Variants in PIR observed in about 807,000 individuals in gnomAD.
PIR encodes pirin.
Under a neutral mutation model 24.2 loss-of-function variants are expected in PIR, and 22 were observed. That is an observed-to-expected ratio of 0.91 (90% CI 0.65 to 1.30). The LOEUF (loss-of-function observed/expected upper bound fraction) is 1.30, where lower values mean the gene tolerates loss of function less well. Among genes scored for constraint, PIR ranks in the 50% most tolerant of loss-of-function variants. The pLI is 0.00. For synonymous variants in PIR, 80 were observed against 79.6 expected (o/e 1.00, Z -0.03); for missense variants, 220 against 220.3 (o/e 1.00, Z 0.01).
intron 5 of PIR, among the ~76,000 whole-genome samples, chrX:15,434,003 A>G (rs914686971): frequency 1.4e-4 from 4 of 27,690 alleles, no homozygotes; most frequent in Non-Finnish European, 2.4e-4. Flanking sequence ...GAGGAAGGAG[A>G]AAGAAGGAGG....
intron 5 of PIR, among the ~76,000 whole-genome samples, chrX:15,441,429 T>C (rs765480497): frequency 8.9e-6 from 1 of 111,811 alleles, no homozygotes; most frequent in East Asian, 2.8e-4. Flanking sequence ...CCATATACAT[T>C]TCACATCATT....
intron 7 of PIR, among the ~76,000 whole-genome samples, chrX:15,401,521 T>C (rs1279139897): frequency 9.0e-6 from 1 of 111,643 alleles, no homozygotes. Context: ...TTTTATGTTA[T>C]TCGCCCATCT....
rs745456933 is a variant in PIR, at chrX:15,473,339, A to C, written c.189+6390T>G. Among the ~76,000 whole-genome samples, 8 of 111,607 alleles carry C rather than the reference A, an allele frequency of 7.2e-5. No homozygotes were observed. The East Asian group carries it at 2.2e-3, about 31-fold the overall frequency. The stretch of plus-strand genomic sequence containing the variant: ...ATGCGTGGAACAGCCCCCCCATAGC[A>C]AAGAATTATGCATCCAAAAAGTCAC... On this transcript the variant is annotated intron_variant, in intron 3 of 9. Coordinates refer to ENST00000380420, the MANE Select transcript of PIR (RefSeq NM_001018109.3).
At chrX:15,446,798 C>T in intron 5 of PIR, among the ~76,000 whole-genome samples, 1 of 110,636 alleles carries the variant, frequency 9.0e-6, no homozygotes, top group Non-Finnish European at 1.9e-5. Flanking sequence ...TCACCTTTTC[C>T]CCTCATACCT....
At chrX:15,459,176 C>T (rs951468723) in intron 4 of PIR, among the ~76,000 whole-genome samples, 1 of 111,613 alleles carries the variant, frequency 9.0e-6, no homozygotes, top group Non-Finnish European at 1.9e-5. Context: ...TAACACCTAA[C>T]CCTGCAAATG....
chrX:15,470,711 C>T (rs1009725216), intron 3 of PIR, among the ~76,000 whole-genome samples: 6 of 107,970 alleles, frequency 5.6e-5, no homozygotes, highest in Admixed American at 9.9e-5. Context: ...AAGCGAATCT[C>T]CTGCCTCAGC....
rs946565592 is a variant in PIR, at chrX:15,422,574, A to G, written c.565+3332T>C. 2.7e-5 allele frequency among the ~76,000 whole-genome samples: 3 copies of G among 111,250 alleles called. No homozygotes were observed. The Admixed American group carries it at 2.9e-4, about 11-fold the overall frequency. ...ATATCAAGAAAGCAATCCTATTTACAATGGTTACAAAAAAAGATTATAAAA... is the reference window on the plus strand; with the variant it reads ...ATATCAAGAAAGCAATCCTATTTACGATGGTTACAAAAAAAGATTATAAAA... On this transcript the variant is annotated intron_variant, in intron 6 of 9. Transcript: ENST00000380420.
chrX:15,462,814 A>G (rs776380160), intron 3 of PIR, among the ~76,000 whole-genome samples: 1 of 112,320 alleles, frequency 8.9e-6, no homozygotes, highest in South Asian at 3.7e-4. Context: ...ATTTTAAAAT[A>G]ATATATTGAG....
In PIR at chrX:15,397,551, C is replaced by T. The variant is rs375799935; in HGVS notation, c.611-20G>A. The T allele has an allele frequency of 1.9e-6, 2 of 1,073,212 alleles. No homozygotes were observed. Among genetic ancestry groups the T allele is most frequent in the South Asian group, 1.9e-5 (1 of 53,628 alleles). The allele number at this position is 1,073,212 out of a possible 1,213,427, so 88.4% of individuals were successfully genotyped here. ...CGGGCCCTACAAAACCAATGACACA[C>T]TAATTTAATACCCATTATAGTACAT... is the stretch of plus-strand genomic sequence containing the variant. On this transcript the variant is annotated intron_variant, in intron 7 of 9. Coordinates refer to ENST00000380420, the MANE Select transcript of PIR (RefSeq NM_001018109.3).
chrX:15,439,206 A>C (rs1303211870), intron 5 of PIR, among the ~76,000 whole-genome samples: 1 of 112,348 alleles, frequency 8.9e-6, no homozygotes, highest in African/African-American at 3.2e-5. Flanking sequence ...TGTCCAATAC[A>C]GTTGCCACTC....
chrX:15,416,330 T>A (rs1924915240), intron 6 of PIR, among the ~76,000 whole-genome samples: 1 of 111,942 alleles, frequency 8.9e-6, no homozygotes, highest in African/African-American at 3.2e-5. Context: ...AATGTAAAAT[T>A]CTACATGAAT....
chrX:15,479,664 T>C, intron 3 of PIR, 65 bp downstream of exon 3: 3 of 525,680 alleles, frequency 5.7e-6, no homozygotes, highest in Non-Finnish European at 9.1e-6. Context: ...AAAATTGAAT[T>C]TTCTATTAGA....
chrX:15,396,514 C>T (rs1924142497), intron 8 of PIR, among the ~76,000 whole-genome samples: 1 of 111,368 alleles, frequency 9.0e-6, no homozygotes, highest in African/African-American at 3.3e-5. Flanking sequence ...TCTCCTCAAT[C>T]CTCTTTATAA....
At chrX:15,447,371 G>C (rs770660024) in intron 5 of PIR, among the ~76,000 whole-genome samples, 4 of 110,586 alleles carry the variant, frequency 3.6e-5, no homozygotes, top group Admixed American at 9.5e-5. Context: ...CTGGAGTGCA[G>C]TGGCATGATC....
chrX:15,452,730 G>C (rs1381064833), intron 5 of PIR, among the ~76,000 whole-genome samples: 3 of 112,326 alleles, frequency 2.7e-5, no homozygotes, highest in Non-Finnish European at 5.6e-5. Flanking sequence ...CCAGACCACA[G>C]TATTGGCATC....
rs760795372 is a variant in PIR, at chrX:15,425,911, G to A, written c.560C>T (p.Pro187Leu). The A allele has an allele frequency of 5.3e-6, 6 of 1,131,530 alleles. 1 individual carries two copies. Among genetic ancestry groups the A allele is most frequent in the African/African-American group, 3.6e-5 (2 of 55,935 alleles). 93.3% of individuals were successfully genotyped at this position (1,131,530 alleles called of 1,213,427 possible). A position where few individuals can be genotyped will look rare whatever the true frequency, so the allele number is the denominator to read the frequency against. ...DPGAKHSQPI[P>L]KGWTSFIYTI... Reference sequence around the variant, plus strand: ...AACCCCAGAACCCATCATACCTTTAGGGATAGGTTGGGAATGTTTGGCTCC... The same window carrying A: ...AACCCCAGAACCCATCATACCTTTAAGGATAGGTTGGGAATGTTTGGCTCC... The change falls in exon 6 of 10, where the codon CCT becomes CTT. Residue 187 changes from proline to leucine, a missense_variant. Physicochemically the swap from Pro to Leu is moderately conservative, Grantham distance 98. Coordinates refer to ENST00000380420, the MANE Select transcript of PIR (RefSeq NM_001018109.3).
At chrX:15,397,090 A>G (rs769230587) in intron 8 of PIR, among the ~76,000 whole-genome samples, 1 of 112,439 alleles carries the variant, frequency 8.9e-6, no homozygotes, top group African/African-American at 3.2e-5. Flanking sequence ...ATGTAGATTT[A>G]TATTTCTACT....
At chrX:15,457,456 G>C (rs778463031) in intron 4 of PIR, among the ~76,000 whole-genome samples, 1 of 112,084 alleles carries the variant, frequency 8.9e-6, no homozygotes, top group Admixed American at 9.4e-5. Context: ...ACAATGTCAT[G>C]CATATCATTA....
At chrX:15,402,651 C>T (rs1302425460) in intron 7 of PIR, among the ~76,000 whole-genome samples, 1 of 110,308 alleles carries the variant, frequency 9.1e-6, no homozygotes, top group African/African-American at 3.3e-5. Context: ...TTAACCATCC[C>T]CACCTCCCCC....
Sources: allele counts gnomAD v4.1 joint callset (sites outside exome capture counted in the v4.1 genomes callset), GRCh38; gene constraint gnomAD v4.1.1; transcripts MANE v1.5; gene names NCBI Gene and HGNC (gene_info 2026-07-23, HGNC 2026-07-21).